ARFGEF3: variants seen among roughly 807,000 people sequenced by gnomAD.
The protein encoded by ARFGEF3 is ARFGEF family member 3, also known as brefeldin A-inhibited guanine nucleotide-exchange protein 3.
Under a neutral mutation model 221.7 loss-of-function variants are expected in ARFGEF3, and 96 were observed. The observed-to-expected ratio is 0.43, with a 90% confidence interval of 0.37 to 0.51. The LOEUF (loss-of-function observed/expected upper bound fraction) is 0.51. Ranked by LOEUF, ARFGEF3 falls within the 20% of genes least tolerant of loss-of-function variation. The pLI is 0.00. For synonymous variants in ARFGEF3, 1,145 were observed against 1,126.8 expected, an observed-to-expected ratio of 1.02 and a Z score of -0.32; for missense variants, 2,410 against 2,789.9, an observed-to-expected ratio of 0.86 and a Z score of 3.07.
rs75059415 is a variant in ARFGEF3, at chr6:138,191,134, A to G, written c.138-15908A>G. Among the ~76,000 whole-genome samples, 1,450 of 152,066 alleles carry G rather than the reference A, an allele frequency of 9.5e-3. 20 individuals carry two copies. The highest frequency in any genetic ancestry group is 0.033 in the African/African-American group (1,383 of 41,472). On this transcript the variant is annotated intron_variant, in intron 2 of 33. Coordinates refer to ENST00000251691, the MANE Select transcript of ARFGEF3 (RefSeq NM_020340.5). ...ACTGAGAAAGTTCCTAGCTCACATC[A>G]CTTCTCATCCTTTCCATGCCGCTTC...
intron 32 of ARFGEF3, among the ~76,000 whole-genome samples, chr6:138,329,572 G>A (rs925315566): frequency 2.0e-5 from 3 of 152,208 alleles, no homozygotes; most frequent in African/African-American, 4.8e-5. Flanking sequence ...ACTGAGGCAG[G>A]AGAATCGCTT....
At chr6:138,190,378 A>AGGAT (rs1350664719) in intron 2 of ARFGEF3, among the ~76,000 whole-genome samples, 3 of 151,872 alleles carry the variant, frequency 2.0e-5, no homozygotes, top group Non-Finnish European at 2.9e-5. Flanking sequence ...GGCATTTGGA[A>AGGAT]GGATGGATGG....
Position 138,323,645 on chromosome 6 carries a change from A to C in ARFGEF3, c.4767-26A>C, listed in dbSNP as rs1434357356. 9 of 1,593,816 alleles carry C rather than the reference A, an allele frequency of 5.6e-6. No individual in the cohort carries two copies. In the Admixed American group the frequency reaches 1.0e-4, roughly 19 times the overall value. On this transcript the variant is annotated intron_variant, in intron 29 of 33. Coordinates refer to ENST00000251691, the MANE Select transcript of ARFGEF3 (RefSeq NM_020340.5). Reference sequence around the variant, plus strand: ...AAACAACAACAACAACAAAAAAAAAACTCCTTTACTTGTTTCTTTTGGCAG... The same window carrying C: ...AAACAACAACAACAACAAAAAAAAACCTCCTTTACTTGTTTCTTTTGGCAG...
intron 1 of ARFGEF3, among the ~76,000 whole-genome samples, chr6:138,170,432 G>T (rs533483174): frequency 2.1e-4 from 32 of 152,286 alleles, no homozygotes; most frequent in African/African-American, 7.2e-4. Flanking sequence ...AGGGAAATGT[G>T]CCCTAACTTT....
chr6:138,240,267 T>G (rs764969308), intron 6 of ARFGEF3, among the ~76,000 whole-genome samples: 3 of 152,192 alleles, frequency 2.0e-5, no homozygotes, highest in Non-Finnish European at 2.9e-5. Flanking sequence ...TTGAGAAATC[T>G]TATAATATAC....
At chr6:138,240,330 A>G (rs1037794924) in intron 6 of ARFGEF3, among the ~76,000 whole-genome samples, 5 of 152,252 alleles carry the variant, frequency 3.3e-5, no homozygotes, top group Admixed American at 6.5e-5. Context: ...TATATTAATA[A>G]TATCCTAATA....
chr6:138,311,314 G>T (rs775262937), intron 24 of ARFGEF3, 93 bp from the exon 25 acceptor site: 9 of 692,960 alleles, frequency 1.3e-5, no homozygotes, highest in Non-Finnish European at 2.0e-5. Context: ...TAGATATTTG[G>T]TGTACTAGTG....
chr6:138,165,002 G>A (rs1400528151), intron 1 of ARFGEF3, among the ~76,000 whole-genome samples: 2 of 152,110 alleles, frequency 1.3e-5, no homozygotes, highest in African/African-American at 4.8e-5. Flanking sequence ...AGGAGCAAGG[G>A]GCCATCCCCT....
intron 1 of ARFGEF3, among the ~76,000 whole-genome samples, chr6:138,166,662 G>C (rs1446394554): frequency 6.6e-6 from 1 of 152,220 alleles, no homozygotes; most frequent in Non-Finnish European, 1.5e-5. Context: ...GCAGTCCTGG[G>C]GGCTTGCAAG....
At chr6:138,214,904 T>G (rs907655316) in intron 4 of ARFGEF3, among the ~76,000 whole-genome samples, 18 of 152,258 alleles carry the variant, frequency 1.2e-4, no homozygotes, top group African/African-American at 4.1e-4. Context: ...AAGGCAAGTT[T>G]GATTTATTGA....
rs531117966 is a variant in ARFGEF3 at position 138,233,593 on chromosome 6, G to A, written c.420+3741G>A. On this transcript the variant is annotated intron_variant, in intron 5 of 33. Coordinates refer to ENST00000251691, the MANE Select transcript of ARFGEF3 (RefSeq NM_020340.5). Reference sequence around the variant, plus strand: ...GGGATTTCGCCTTATTGGCCAGGCTGGTCTCTAACTCCTGACCTCGTGATC... The same window carrying A: ...GGGATTTCGCCTTATTGGCCAGGCTAGTCTCTAACTCCTGACCTCGTGATC... Among the ~76,000 whole-genome samples, 367 of 152,166 alleles carry A rather than the reference G, an allele frequency of 2.4e-3. 2 individuals carry two copies. The highest frequency in any genetic ancestry group is 8.5e-3 in the African/African-American group (351 of 41,516).
chr6:138,217,867 T>A (rs1297688721), intron 4 of ARFGEF3: 25 of 1,339,682 alleles, frequency 1.9e-5, no homozygotes, highest in Non-Finnish European at 2.4e-5. Context: ...ATTCTTTTCA[T>A]AAGTAAATTG....
At chr6:138,187,124 A>G (rs925187951) in intron 2 of ARFGEF3, among the ~76,000 whole-genome samples, 2 of 151,988 alleles carry the variant, frequency 1.3e-5, no homozygotes, top group Non-Finnish European at 2.9e-5. Context: ...CATGTTGATC[A>G]GGTTGGTCTC....
rs146368692 is a variant in ARFGEF3 at position 138,262,762 on chromosome 6, G to A, written c.1279G>A (p.Val427Met). ...TGGCATCGAAGCTTGCTATGCAGCC[G>A]TGTCCTGTGTCTGCACCTTGCTGGG... is the stretch of plus-strand genomic sequence containing the variant. ...KGGIEACYAAVSCVCTLLGAL... is the reference protein window; with the variant it reads ...KGGIEACYAAMSCVCTLLGAL... The change falls in exon 12 of 34, where the codon GTG becomes ATG. Residue 427 changes from valine (V) to methionine (M), a missense_variant. Around this residue, in one of 5 missense-constraint regions of ARFGEF3, gnomAD observed 570 missense variants for 586.9 expected, o/e 0.97. Coordinates refer to ENST00000251691, the MANE Select transcript of ARFGEF3 (RefSeq NM_020340.5). 2.3e-5 allele frequency: 37 copies of A among 1,613,716 alleles called. No homozygotes were observed. The highest frequency in any genetic ancestry group is 8.9e-5 in the East Asian group (4 of 44,886).
intron 2 of ARFGEF3, among the ~76,000 whole-genome samples, chr6:138,188,989 T>G (rs898963550): frequency 6.6e-6 from 1 of 152,212 alleles, no homozygotes; most frequent in Non-Finnish European, 1.5e-5. Flanking sequence ...TTGCTGTTTA[T>G]GGGAAAATAA....
chr6:138,338,559 G>A lies in ARFGEF3; in HGVS notation c.*2073G>A, dbSNP rs117175809. On this transcript the variant is annotated 3_prime_UTR_variant, in exon 34 of 34. Transcript: ENST00000251691. ...GCCTGTAATCCCAGCACTTACTTTG[G>A]GAGGCCAAGGTGGGCAGATAACCTG... 0.034 allele frequency: 5,250 copies of A among 152,282 alleles called. 129 individuals are homozygous for A. The highest frequency in any genetic ancestry group is 0.064 in the Middle Eastern group (19 of 296). 9.4% of individuals were successfully genotyped at this position (152,282 alleles called of 1,614,324 possible). A position where few individuals can be genotyped will look rare whatever the true frequency, so the allele number is the denominator to read the frequency against.
intron 18 of ARFGEF3, 80 bp downstream of exon 18, chr6:138,290,048 G>C: frequency 1.4e-6 from 2 of 1,453,510 alleles, no homozygotes; most frequent in South Asian, 2.7e-5. Flanking sequence ...GGTGGAGAGG[G>C]GTGGCCTTAA....
chr6:138,332,133 AG>A (rs1780238213), intron 32 of ARFGEF3, among the ~76,000 whole-genome samples: 1 of 152,160 alleles, frequency 6.6e-6, no homozygotes, highest in African/African-American at 2.4e-5. Context: ...TTGTGAGCGA[AG>A]GGTTTCATGC....
chr6:138,293,986 C>T lies in ARFGEF3; in HGVS notation c.3369-7C>T. ...CAAAGAACACATCTCTTTCTGTTTG[C>T]ATCCAGGCTCTTTGAAGATGCTACG... is the stretch of plus-strand genomic sequence containing the variant. On this transcript the variant is annotated splice_region_variant and splice_polypyrimidine_tract_variant and intron_variant, in intron 19 of 33. Transcript: ENST00000251691. The T allele has an allele frequency of 1.9e-6, 3 of 1,612,426 alleles. No individual in the cohort carries two copies. The highest frequency in any genetic ancestry group is 1.1e-5 in the South Asian group (1 of 90,582).
Sources: gnomAD v4.1 joint callset for allele counts (sites outside exome capture counted in the v4.1 genomes callset) on GRCh38, gnomAD v4.1.1 for gene constraint, gnomAD v4.1.1 regional missense constraint, MANE v1.5 for transcripts, NCBI Gene and HGNC (gene_info 2026-07-23, HGNC 2026-07-21) for gene names.